Variants in DAB1 observed in about 807,000 individuals in gnomAD.
DAB1 encodes the protein disabled homolog 1.
In DAB1, 15 loss-of-function variants were observed where a neutral mutation model predicts 64.6. That is an observed-to-expected ratio of 0.23 (90% CI 0.16 to 0.36). DAB1 has a LOEUF of 0.36. Ranked by LOEUF, DAB1 falls within the 10% of genes least tolerant of loss-of-function variation. The probability of loss-of-function intolerance (pLI) is 1.00; values close to 1 mark genes in which losing one functional copy is unlikely to be tolerated. For synonymous variants in DAB1, 235 were observed against 251.9 expected (o/e 0.93, Z 0.64); for missense variants, 596 against 706.7 (o/e 0.84, Z 1.78).
At chr1:57,667,874 C>A (rs1173464682) in intron 6 of DAB1, among the ~76,000 whole-genome samples, 1 of 151,842 alleles carries the variant, frequency 6.6e-6, no homozygotes, top group Non-Finnish European at 1.5e-5. Flanking sequence ...TGGGGCCTGT[C>A]AGGGGTTGGA....
chr1:57,305,886 A>G (rs1570229719), intron 1 of DAB1, among the ~76,000 whole-genome samples: 1 of 150,222 alleles, frequency 6.7e-6, no homozygotes, highest in South Asian at 2.1e-4. Flanking sequence ...GGAGAATGGC[A>G]TGAACCTGGG....
chr1:57,396,593 G>C (rs1682827531), intron 1 of DAB1, among the ~76,000 whole-genome samples: 1 of 152,158 alleles, frequency 6.6e-6, no homozygotes, highest in African/African-American at 2.4e-5. Context: ...ATGCATACCA[G>C]CACAGAGGTT....
chr1:57,013,550 G>A (rs1015471188), intron 12 of DAB1, among the ~76,000 whole-genome samples: 1 of 152,146 alleles, frequency 6.6e-6, no homozygotes, highest in African/African-American at 2.4e-5. Flanking sequence ...TACACGTTAA[G>A]GGCATTCATT....
Position 56,998,901 on chromosome 1 carries a change from G to A in DAB1, c.*16-773C>T, listed in dbSNP as rs538203815. Among the ~76,000 whole-genome samples the A allele has an allele frequency of 2.4e-4, 37 of 152,216 alleles. 1 individual carries two copies. The highest frequency in any genetic ancestry group is 7.5e-4 in the African/African-American group (31 of 41,532). The stretch of plus-strand genomic sequence containing the variant: ...CAGCGTTCGGCCCTATTTAAACCCC[G>A]TCAGACTTCAGCTGATGTTGAGATG... On this transcript the variant is annotated intron_variant, in intron 14 of 14. Coordinates refer to ENST00000371236, the MANE Select transcript of DAB1 (RefSeq NM_001365792.1).
chr1:57,294,528 C>A (rs620214), intron 1 of DAB1, among the ~76,000 whole-genome samples: 57,046 of 151,738 alleles, frequency 0.38, 11,191 homozygotes, highest in Admixed American at 0.54. Context: ...CACACTAAAC[C>A]CATACTATAA....
chr1:57,647,484 G>A (rs75822769), intron 7 of DAB1, among the ~76,000 whole-genome samples: 27 of 152,052 alleles, frequency 1.8e-4, no homozygotes, highest in East Asian at 5.8e-4. Context: ...TGTAAATAAC[G>A]TCCCCCTAGA....
chr1:58,267,100 G>T (rs1661187387), intron 4 of DAB1, among the ~76,000 whole-genome samples: 1 of 152,210 alleles, frequency 6.6e-6, no homozygotes, highest in South Asian at 2.1e-4. Flanking sequence ...TACGCCTGTG[G>T]TCCCAGCTAC....
chr1:57,199,299 G>A (rs522782), intron 2 of DAB1, among the ~76,000 whole-genome samples: 37,067 of 152,010 alleles, frequency 0.24, 5,140 homozygotes, highest in Non-Finnish European at 0.32. Flanking sequence ...ATCAACTAGT[G>A]TTTACCTTAA....
chr1:57,372,738 A>C lies in DAB1; in HGVS notation c.-137+51192T>G, dbSNP rs1680599594. Among the ~76,000 whole-genome samples the C allele has an allele frequency of 2.6e-5, 4 of 152,160 alleles. No individual in the cohort carries two copies. In the South Asian group the frequency reaches 8.3e-4, roughly 31 times the overall value. On this transcript the variant is annotated intron_variant, in intron 1 of 14. Transcript: ENST00000371236. ...CCTACATACACAATATGTACAGTAG[A>C]TTATCTTATAATAGTATGATATTTT...
chr1:58,046,601 C>T (rs1475137231), intron 5 of DAB1, among the ~76,000 whole-genome samples: 1 of 152,148 alleles, frequency 6.6e-6, no homozygotes, highest in Non-Finnish European at 1.5e-5. Flanking sequence ...CACATTTCCA[C>T]ATTAGTTTCA....
intron 5 of DAB1, among the ~76,000 whole-genome samples, chr1:57,904,229 T>C (rs1389245783): frequency 1.3e-5 from 2 of 152,202 alleles, no homozygotes; most frequent in Non-Finnish European, 2.9e-5. Context: ...ATGCTTTTAA[T>C]AGCTGGGCAC....
chr1:58,016,492 T>C (rs1011478130), intron 5 of DAB1, among the ~76,000 whole-genome samples: 1 of 152,178 alleles, frequency 6.6e-6, no homozygotes, highest in Non-Finnish European at 1.5e-5. Context: ...CAGATACATA[T>C]ATTTTGTGTC....
chr1:57,869,932 A>G (rs1429422395), intron 1 of DAB1, among the ~76,000 whole-genome samples: 1 of 152,152 alleles, frequency 6.6e-6, no homozygotes, highest in African/African-American at 2.4e-5. Context: ...AAGTTTTCCA[A>G]GGTGCAGCTT....
chr1:57,483,591 ACT>A (rs1491479730), intron 7 of DAB1, among the ~76,000 whole-genome samples: 1 of 151,802 alleles, frequency 6.6e-6, no homozygotes, highest in East Asian at 1.9e-4. Context: ...TATTAATTCA[ACT>A]TTTTTTTGTT....
chr1:57,727,660 C>A lies in DAB1; in HGVS notation n.552-77995G>T, dbSNP rs573178911. Reference sequence around the variant, plus strand: ...GACAGTAGACAATCTCACTTTCTCTCTCCTCTTCTCTTTCTCCTTTCTCTC... The same window carrying A: ...GACAGTAGACAATCTCACTTTCTCTATCCTCTTCTCTTTCTCCTTTCTCTC... On this transcript the variant is annotated intron_variant and non_coding_transcript_variant, in intron 6 of 20. Coordinates refer to the DAB1 transcript ENST00000485760. 2.6e-5 allele frequency among the ~76,000 whole-genome samples: 4 copies of A among 151,742 alleles called. No individual in the cohort carries two copies. In the East Asian group the frequency reaches 7.8e-4, roughly 29 times the overall value.
intron 9 of DAB1, among the ~76,000 whole-genome samples, chr1:57,041,212 G>T (rs1452139192): frequency 6.6e-6 from 1 of 152,108 alleles, no homozygotes; most frequent in Non-Finnish European, 1.5e-5. Flanking sequence ...ACATACTTAG[G>T]AATTCATTTC....
intron 1 of DAB1, among the ~76,000 whole-genome samples, chr1:57,332,074 G>A (rs551815365): frequency 3.9e-5 from 6 of 152,100 alleles, no homozygotes; most frequent in African/African-American, 9.6e-5. Context: ...AGTGATTCTC[G>A]GGCCTCAGCC....
At chr1:57,613,211 A>G (rs1645749510) in intron 7 of DAB1, among the ~76,000 whole-genome samples, 2 of 152,198 alleles carry the variant, frequency 1.3e-5, no homozygotes. Context: ...ATCTGAGCTT[A>G]TAGTAAAGAA....
intron 2 of DAB1, among the ~76,000 whole-genome samples, chr1:57,202,122 A>G (rs915490976): frequency 1.3e-5 from 2 of 152,182 alleles, no homozygotes; most frequent in African/African-American, 2.4e-5. Context: ...CAATATTCCT[A>G]TAAATAGTTG....
Sources: gnomAD v4.1 joint callset for allele counts (sites outside exome capture counted in the v4.1 genomes callset) on GRCh38, gnomAD v4.1.1 for gene constraint, MANE v1.5 for transcripts, NCBI Gene and HGNC (gene_info 2026-07-23, HGNC 2026-07-21) for gene names.